The following DAB1 variants were observed in gnomAD, a reference collection of about 807,000 sequenced individuals.
DAB1 encodes disabled homolog 1.
DAB1 carries 15 observed loss-of-function variants against 64.6 expected under a neutral mutation model. That is an observed-to-expected ratio of 0.23 (90% CI 0.16 to 0.36). The LOEUF is 0.36. DAB1 is among the 10% of genes least tolerant of loss of function. The pLI is 1.00. For synonymous variants in DAB1, 235 were observed against 251.9 expected, an observed-to-expected ratio of 0.93 and a Z score of 0.64; for missense variants, 596 against 706.7, an observed-to-expected ratio of 0.84 and a Z score of 1.78.
chr1:57,590,445 A>T (rs1195431924), intron 7 of DAB1, among the ~76,000 whole-genome samples: 1 of 151,834 alleles, frequency 6.6e-6, no homozygotes, highest in Non-Finnish European at 1.5e-5. Context: ...TCAGCCTCTC[A>T]AGTAGCTGGG....
At chr1:57,577,289 G>C (rs1645261684) in intron 7 of DAB1, among the ~76,000 whole-genome samples, 1 of 152,062 alleles carries the variant, frequency 6.6e-6, no homozygotes. Context: ...ATGGGTATTA[G>C]AAAAGTTCCC....
intron 1 of DAB1, chr1:57,866,460 G>A (rs928861185): frequency 1.3e-5 from 2 of 152,154 alleles, no homozygotes; most frequent in East Asian, 3.9e-4. Context: ...CCATGTATCT[G>A]TAGTTTGTCA....
At chr1:58,007,069 CATGAAAA>C (rs1646595136) in intron 5 of DAB1, among the ~76,000 whole-genome samples, 1 of 152,112 alleles carries the variant, frequency 6.6e-6, no homozygotes, top group Admixed American at 6.6e-5. Flanking sequence ...AATGCACCCC[CATGAAAA>C]ATGTGTGATT....
intron 5 of DAB1, among the ~76,000 whole-genome samples, chr1:58,108,018 C>A (rs1185967628): frequency 6.6e-6 from 1 of 152,088 alleles, no homozygotes; most frequent in Non-Finnish European, 1.5e-5. Flanking sequence ...GGGGACTGGA[C>A]AATGGACAGC....
chr1:58,007,773 T>C (rs2802895), intron 5 of DAB1, among the ~76,000 whole-genome samples: 92,543 of 152,038 alleles, frequency 0.61, 29,431 homozygotes, highest in East Asian at 0.98. Context: ...CTCCTCCCAA[T>C]GGATCTAAAT....
At chr1:57,226,808 AC>A (rs1170686173) in intron 2 of DAB1, among the ~76,000 whole-genome samples, 1 of 151,628 alleles carries the variant, frequency 6.6e-6, no homozygotes, top group Non-Finnish European at 1.5e-5. Context: ...TAAGATTTAA[AC>A]CTGACGCCAT....
At chr1:58,198,652 A>G (rs556881957) in intron 4 of DAB1, among the ~76,000 whole-genome samples, 1 of 152,244 alleles carries the variant, frequency 6.6e-6, no homozygotes, top group African/African-American at 2.4e-5. Flanking sequence ...CCAAGATTAG[A>G]CATATGACCC....
intron 2 of DAB1, among the ~76,000 whole-genome samples, chr1:58,518,179 T>C (rs1485042907): frequency 9.3e-6 from 1 of 107,978 alleles, no homozygotes; most frequent in African/African-American, 3.4e-5. Context: ...AAAGTGAAAT[T>C]CTGTCAGAAA....
At chr1:57,529,615 A>G (rs1644637219) in intron 7 of DAB1, among the ~76,000 whole-genome samples, 1 of 152,166 alleles carries the variant, frequency 6.6e-6, no homozygotes. Context: ...AAACAATATT[A>G]CTAGAGGTAA....
chr1:58,322,395 A>G (rs1168872241), intron 4 of DAB1, among the ~76,000 whole-genome samples: 1 of 152,194 alleles, frequency 6.6e-6, no homozygotes, highest in Non-Finnish European at 1.5e-5. Context: ...ATTTACAAGA[A>G]AAAAACAAAA....
At chr1:57,142,811 T>A (rs1658742443) in intron 3 of DAB1, among the ~76,000 whole-genome samples, 1 of 152,092 alleles carries the variant, frequency 6.6e-6, no homozygotes, top group African/African-American at 2.4e-5. Context: ...TGAATGGTCA[T>A]CTCCCAGATG....
chr1:57,286,364 A>G (rs932532767), intron 2 of DAB1, among the ~76,000 whole-genome samples: 2 of 151,052 alleles, frequency 1.3e-5, no homozygotes, highest in Non-Finnish European at 2.9e-5. Flanking sequence ...TAAGAGGGGG[A>G]AAAAAAACAC....
intron 4 of DAB1, among the ~76,000 whole-genome samples, chr1:58,181,826 AG>A (rs748185595): frequency 7.9e-5 from 12 of 152,054 alleles, no homozygotes; most frequent in Non-Finnish European, 1.8e-4. Context: ...CTTTTAAATC[AG>A]TTATGAGAAA....
At chr1:58,179,367 GT>G (rs762041469) in intron 4 of DAB1, among the ~76,000 whole-genome samples, 10 of 151,970 alleles carry the variant, frequency 6.6e-5, no homozygotes, top group Non-Finnish European at 5.9e-5. Flanking sequence ...GTTGTGAAGT[GT>G]TTCCTCCTCT....
intron 3 of DAB1, among the ~76,000 whole-genome samples, chr1:58,358,976 A>ACACACACACT (rs1644138540): frequency 6.9e-6 from 1 of 145,752 alleles, no homozygotes; most frequent in Admixed American, 6.9e-5. Context: ...ACACACACAC[A>ACACACACACT]CTCAAAGGAT....
intron 7 of DAB1, chr1:57,070,807 G>A (rs958041742): frequency 3.1e-5 from 18 of 576,616 alleles, no homozygotes; most frequent in Non-Finnish European, 5.1e-5. Context: ...AGGGAGAAGC[G>A]GATCTCCAAA....
At chr1:57,986,342 A>G (rs1646217767) in intron 5 of DAB1, among the ~76,000 whole-genome samples, 1 of 152,168 alleles carries the variant, frequency 6.6e-6, no homozygotes. Context: ...CCTTATAAAA[A>G]AGACCCGAGA....
intron 6 of DAB1, among the ~76,000 whole-genome samples, chr1:57,791,771 C>T (rs534734073): frequency 1.3e-5 from 2 of 152,302 alleles, no homozygotes; most frequent in East Asian, 3.9e-4. Context: ...TCCCCACTGA[C>T]AGTCCAGAGA....
intron 5 of DAB1, among the ~76,000 whole-genome samples, chr1:57,957,980 A>G (rs1199567400): frequency 6.6e-6 from 1 of 151,858 alleles, no homozygotes; most frequent in East Asian, 1.9e-4. Flanking sequence ...TTCTTGTTCC[A>G]GGATGATGTG....
Sources: allele counts gnomAD v4.1 joint callset (sites outside exome capture counted in the v4.1 genomes callset), GRCh38; gene constraint gnomAD v4.1.1; transcripts MANE v1.5; gene names NCBI Gene and HGNC (gene_info 2026-07-23, HGNC 2026-07-21).